The following CSMD2 variants were observed in gnomAD, a reference collection of about 807,000 sequenced individuals.
The protein encoded by CSMD2 is CUB and Sushi multiple domains 2.
CSMD2 carries 130 observed loss-of-function variants against 398.5 expected under a neutral mutation model. The ratio of observed to expected loss-of-function variants is 0.33; its 90% CI spans 0.28 to 0.38. The LOEUF is 0.38. CSMD2 is among the 10% of genes least tolerant of loss of function. CSMD2 has a pLI of 1.00. For synonymous variants in CSMD2, 1,828 were observed against 1,908.5 expected, an observed-to-expected ratio of 0.96 and a Z score of 1.10; for missense variants, 3,829 against 4,764.9, an observed-to-expected ratio of 0.80 and a Z score of 5.78.
intron 17 of CSMD2, among the ~76,000 whole-genome samples, 194 bp downstream of exon 17, chr1:33,725,155 T>C (rs186252402): frequency 1.3e-5 from 2 of 152,304 alleles, no homozygotes; most frequent in East Asian, 3.9e-4. Flanking sequence ...TGTGAACAAC[T>C]CTAAGCTCCC....
rs183366447 is a variant in CSMD2 at position 34,062,245 on chromosome 1, T to C, written c.404+26732A>G. 6.5e-3 allele frequency among the ~76,000 whole-genome samples: 995 copies of C among 152,330 alleles called. 12 individuals are homozygous for C. The highest frequency in any genetic ancestry group is 9.0e-3 in the Non-Finnish European group (615 of 68,036). On this transcript the variant is annotated intron_variant, in intron 2 of 70. Coordinates refer to ENST00000373381, the MANE Select transcript of CSMD2 (RefSeq NM_001281956.2). ...CCAGACAAGCACCCACCAGGCCCTC[T>C]GAGACTCTGCAGAGGCATTCTGAGG...
In CSMD2 at chr1:33,636,471, C is replaced by T. The variant is rs150268656; in HGVS notation, c.4858G>A (p.Val1620Ile). 67 of 1,614,148 alleles carry T rather than the reference C, an allele frequency of 4.2e-5. No homozygotes were observed. The highest frequency in any genetic ancestry group is 1.6e-4 in the Middle Eastern group (1 of 6,062). Residue 1620 changes from valine (V) to isoleucine (I), a missense_variant, in exon 30 of 71, where the codon GTC becomes ATC. By Grantham distance (29) the Val-to-Ile change is conservative (BLOSUM62 3). Transcript: ENST00000373381. This position sits in a 1 kb window ranked among gnomAD's most constrained non-coding sequence, Gnocchi z 4.8. Reference protein sequence around the residue: ...VGSDLKLGSSVTYYCHGGYEV... With the variant: ...VGSDLKLGSSITYYCHGGYEV... ...TAGCCCCCGTGGCAGTAGTAGGTGA[C>T]GGAGGAGCCCAGCTTCAGGTCGGAC...
At chr1:33,979,070 G>A (rs1646070660) in intron 3 of CSMD2, among the ~76,000 whole-genome samples, 1 of 152,106 alleles carries the variant, frequency 6.6e-6, no homozygotes, top group South Asian at 2.1e-4. Flanking sequence ...GAAGCTCCTG[G>A]ACTTGAACTC....
intron 3 of CSMD2, among the ~76,000 whole-genome samples, chr1:33,974,992 C>T (rs1275072577): frequency 6.6e-6 from 1 of 152,200 alleles, no homozygotes; most frequent in Admixed American, 6.5e-5. Context: ...ATGCTTAATG[C>T]CTCCACCCAG....
intron 25 of CSMD2, among the ~76,000 whole-genome samples, chr1:33,666,718 G>A (rs1391596830): frequency 1.3e-5 from 2 of 152,080 alleles, no homozygotes; most frequent in Admixed American, 1.3e-4. Context: ...GAAAAGAGGA[G>A]AAGGAGATCC....
At chr1:33,805,985 G>A (rs1305678185) in intron 10 of CSMD2, among the ~76,000 whole-genome samples, 1 of 152,098 alleles carries the variant, frequency 6.6e-6, no homozygotes, top group African/African-American at 2.4e-5. Context: ...ATGTGATTCA[G>A]AACATGAAGA....
chr1:33,704,677 GT>G (rs1398668202), intron 22 of CSMD2, among the ~76,000 whole-genome samples: 1 of 152,166 alleles, frequency 6.6e-6, no homozygotes, highest in Non-Finnish European at 1.5e-5. Flanking sequence ...ATTTCATATG[GT>G]TTGTCTAACA....
At chr1:33,583,536 G>T in intron 47 of CSMD2, 106 bp downstream of exon 47, 2 of 1,140,728 alleles carry the variant, frequency 1.8e-6, no homozygotes, top group Non-Finnish European at 2.6e-6. Context: ...ATCCTGTGGA[G>T]CTTCTGGCAA....
chr1:33,693,035 C>G lies in CSMD2; in HGVS notation c.3947G>C (p.Arg1316Thr), dbSNP rs1645294830. 2 of 1,601,334 alleles carry G rather than the reference C, an allele frequency of 1.2e-6. No individual in the cohort carries two copies. Among genetic ancestry groups the G allele is most frequent in the African/African-American group, 2.7e-5 (2 of 74,168 alleles). The change falls in exon 25 of 71, where the codon AGA (arginine) becomes ACA (threonine). Residue 1316 changes from arginine (R) to threonine (T), a missense_variant. By Grantham distance (71) the Arg-to-Thr change is moderately conservative. Around this residue, in one of 5 missense-constraint regions of CSMD2, gnomAD observed 2,001 missense variants for 2,567.1 expected, o/e 0.78. Transcript: ENST00000373381. ...TCVAECGGTV[R>T]GEVSGQVLSP... is the part of the protein sequence containing the mutation. ...CAGCACCTGCCCCGACACCTCTCCT[C>G]TCACTGTCCCTCCACACTCGGCTGA...
chr1:33,614,704 G>A (rs1641271296), intron 39 of CSMD2, 84 bp from the exon 40 acceptor site: 2 of 748,052 alleles, frequency 2.7e-6, no homozygotes, highest in Admixed American at 2.4e-5. Context: ...CTCCCTTCAA[G>A]CAGCAGTTTT....
chr1:33,869,564 T>C (rs1640298000), intron 5 of CSMD2, among the ~76,000 whole-genome samples: 1 of 152,206 alleles, frequency 6.6e-6, no homozygotes, highest in Admixed American at 6.5e-5. Context: ...AAAACACAGA[T>C]TGCCGGGCCT....
At chr1:33,937,505 T>C (rs1314042472) in intron 3 of CSMD2, among the ~76,000 whole-genome samples, 1 of 152,160 alleles carries the variant, frequency 6.6e-6, no homozygotes, top group African/African-American at 2.4e-5. Context: ...CCCCTAGTCC[T>C]TGCAATACCC....
intron 1 of CSMD2, among the ~76,000 whole-genome samples, chr1:34,157,820 T>C (rs929887908): frequency 1.3e-5 from 2 of 151,898 alleles, no homozygotes; most frequent in Admixed American, 1.3e-4. Context: ...AATTAGGCTG[T>C]TTCTCCAATC....
In CSMD2 at chr1:33,790,957, T is replaced by C. The variant is rs374954331; in HGVS notation, c.1550+1466A>G. On this transcript the variant is annotated intron_variant, in intron 11 of 70. Coordinates refer to ENST00000373381, the MANE Select transcript of CSMD2 (RefSeq NM_001281956.2). ...CCTGTGGGCTCACATTCCATTCCTT[T>C]GTCTGGAGAAATCCCAAGTCCCAGC... Among the ~76,000 whole-genome samples, 13 of 152,352 alleles carry C rather than the reference T, an allele frequency of 8.5e-5. No homozygotes were observed. In the East Asian group the frequency reaches 1.9e-3, roughly 23 times the overall value.
intron 13 of CSMD2, among the ~76,000 whole-genome samples, chr1:33,766,154 AC>A (rs1485264197): frequency 6.6e-6 from 1 of 151,752 alleles, no homozygotes; most frequent in African/African-American, 2.4e-5. Context: ...ACCATTACAA[AC>A]CCAAGTACCC....
At chr1:34,085,512 C>A (rs966991992) in intron 2 of CSMD2, among the ~76,000 whole-genome samples, 4 of 152,000 alleles carry the variant, frequency 2.6e-5, no homozygotes, top group Non-Finnish European at 5.9e-5. Flanking sequence ...ACAGCACAAT[C>A]AGAATTACAT....
chr1:33,863,083 C>T (rs1639668331), intron 5 of CSMD2: 1 of 152,128 alleles, frequency 6.6e-6, no homozygotes, highest in African/African-American at 2.4e-5. Flanking sequence ...AGTGGCTGTT[C>T]AACCTTGAAC....
intron 19 of CSMD2, among the ~76,000 whole-genome samples, 170 bp downstream of exon 19, chr1:33,724,027 C>A (rs1177808457): frequency 6.6e-6 from 1 of 152,176 alleles, no homozygotes; most frequent in Non-Finnish European, 1.5e-5. Flanking sequence ...CAAGTTCTAC[C>A]ATTCAAAGGG....
In CSMD2 at chr1:33,724,666, T is replaced by C; in HGVS notation, c.2734A>G (p.Ile912Val). The change falls in exon 18 of 71, where the codon ATC (isoleucine) becomes GTC (valine). Residue 912 changes from isoleucine (I) to valine (V), a missense_variant. Coordinates refer to ENST00000373381, the MANE Select transcript of CSMD2 (RefSeq NM_001281956.2). ...LQSDHCLDPG[I>V]PVNGQRHGND... is the part of the protein sequence containing the mutation. ...CCATGACGCTGTCCATTTACTGGGATTCCTGGATCCAGACAGTGGTCTGAC... is the reference window on the plus strand; with the variant it reads ...CCATGACGCTGTCCATTTACTGGGACTCCTGGATCCAGACAGTGGTCTGAC... The C allele has an allele frequency of 6.2e-7, 1 of 1,614,200 alleles. No homozygotes were observed. Among genetic ancestry groups the C allele is most frequent in the Non-Finnish European group, 8.5e-7 (1 of 1,180,040 alleles).
Sources: gnomAD v4.1 joint callset for allele counts (sites outside exome capture counted in the v4.1 genomes callset) on GRCh38, gnomAD v4.1.1 for gene constraint, gnomAD v4.1.1 regional missense constraint, Gnocchi (gnomAD v3.1) non-coding constraint, MANE v1.5 for transcripts, NCBI Gene and HGNC (gene_info 2026-07-23, HGNC 2026-07-21) for gene names.